The following ABTB3 variants were observed in gnomAD, a reference collection of about 807,000 sequenced individuals.
The protein encoded by ABTB3 is ankyrin repeat- and BTB/POZ domain-containing protein 3.
chr12:107,318,914 G>C, the ABTB3 span: 11 of 1,559,154 alleles, frequency 7.1e-6, no homozygotes, highest in Non-Finnish European at 9.6e-6. Context: ...TGGCTCCCAG[G>C]CGGCTGCAGC....
At chr12:107,509,091 G>T in the ABTB3 span, among the ~76,000 whole-genome samples, 2 of 152,176 alleles carry the variant, frequency 1.3e-5, no homozygotes, top group African/African-American at 4.8e-5. Flanking sequence ...GGTCCCAGGA[G>T]CTCCTTGATA....
At chr12:107,420,590 C>G in the ABTB3 span, among the ~76,000 whole-genome samples, 1 of 152,292 alleles carries the variant, frequency 6.6e-6, no homozygotes, top group African/African-American at 2.4e-5. Flanking sequence ...ATGGGAGCTA[C>G]AATTCAAGAT....
chr12:107,610,835 C>T, the ABTB3 span, among the ~76,000 whole-genome samples: 2 of 152,268 alleles, frequency 1.3e-5, no homozygotes, highest in Admixed American at 6.5e-5. Flanking sequence ...AGCTATCCCC[C>T]CTAACTCCTG....
the ABTB3 span, among the ~76,000 whole-genome samples, chr12:107,551,790 T>C: frequency 6.6e-6 from 1 of 152,052 alleles, no homozygotes; most frequent in Non-Finnish European, 1.5e-5. Flanking sequence ...TTCACTCTTA[T>C]TGCCCAGGCT....
chr12:107,360,649 T>G, the ABTB3 span, among the ~76,000 whole-genome samples: 1 of 152,220 alleles, frequency 6.6e-6, no homozygotes, highest in Non-Finnish European at 1.5e-5. Context: ...ACAGTCCTAT[T>G]TACCTAATGG....
the ABTB3 span, among the ~76,000 whole-genome samples, chr12:107,375,564 G>A: frequency 3.9e-5 from 6 of 152,172 alleles, no homozygotes; most frequent in East Asian, 1.9e-4. Context: ...GGAGAAGACC[G>A]GGGGCCCGGT....
At chr12:107,328,094 C>T in the ABTB3 span, among the ~76,000 whole-genome samples, 3 of 152,200 alleles carry the variant, frequency 2.0e-5, no homozygotes, top group African/African-American at 7.2e-5. Flanking sequence ...TCTGGTAGGG[C>T]AGCCACCCAC....
At chr12:107,622,109 G>A in the ABTB3 span, among the ~76,000 whole-genome samples, 28 of 152,252 alleles carry the variant, frequency 1.8e-4, no homozygotes, top group Admixed American at 9.8e-4. Context: ...GGGCGTGGTC[G>A]TGTCTCAAGA....
At chr12:107,415,711 C>CA in the ABTB3 span, among the ~76,000 whole-genome samples, 76 of 148,716 alleles carry the variant, frequency 5.1e-4, 1 homozygote, top group South Asian at 0.01. Context: ...CTGTCTCAAC[C>CA]AAAAAAAACA....
chr12:107,516,050 TGTGTGC>T, the ABTB3 span, among the ~76,000 whole-genome samples: 48 of 126,872 alleles, frequency 3.8e-4, 2 homozygotes, highest in African/African-American at 1.1e-3. Context: ...TGTGTGTGTG[TGTGTGC>T]GCACACACAC....
chr12:107,597,066 G>A, the ABTB3 span, among the ~76,000 whole-genome samples: 2 of 152,174 alleles, frequency 1.3e-5, no homozygotes. Context: ...AGGGCACATT[G>A]TTGTGCTTTT....
the ABTB3 span, among the ~76,000 whole-genome samples, chr12:107,368,715 C>T: frequency 1.4e-4 from 22 of 152,170 alleles, no homozygotes; most frequent in Admixed American, 6.5e-4. Context: ...ACCAGTGGCG[C>T]GGAGGGGTTC....
the ABTB3 span, among the ~76,000 whole-genome samples, chr12:107,509,742 C>T: frequency 2.6e-5 from 4 of 152,218 alleles, no homozygotes; most frequent in Non-Finnish European, 5.9e-5. Flanking sequence ...TTCAACAAAC[C>T]AAGCCTGAAT....
chr12:107,412,505 G>A, the ABTB3 span, among the ~76,000 whole-genome samples: 12 of 152,184 alleles, frequency 7.9e-5, no homozygotes, highest in African/African-American at 2.7e-4. Flanking sequence ...ACACGGAAAC[G>A]TAGGAGGTTG....
the ABTB3 span, among the ~76,000 whole-genome samples, chr12:107,545,124 C>A: frequency 6.6e-6 from 1 of 152,164 alleles, no homozygotes; most frequent in Non-Finnish European, 1.5e-5. Context: ...TCTGCTTCTG[C>A]CAGATGGATT....
chr12:107,568,319 C>T, the ABTB3 span, among the ~76,000 whole-genome samples: 1 of 152,140 alleles, frequency 6.6e-6, no homozygotes, highest in African/African-American at 2.4e-5. Context: ...ATGATGGGAG[C>T]TATAAAATCA....
chr12:107,582,865 T>C, the ABTB3 span, among the ~76,000 whole-genome samples: 4 of 152,184 alleles, frequency 2.6e-5, no homozygotes, highest in African/African-American at 9.6e-5. Flanking sequence ...AACCTGGATG[T>C]CTTGGCAGCT....
chr12:107,412,672 C>CT, the ABTB3 span, among the ~76,000 whole-genome samples: 1 of 152,172 alleles, frequency 6.6e-6, no homozygotes, highest in Non-Finnish European at 1.5e-5. Context: ...CTAGTGTACC[C>CT]TGCCTAATTA....
At chr12:107,397,523 C>G in the ABTB3 span, among the ~76,000 whole-genome samples, 1 of 151,878 alleles carries the variant, frequency 6.6e-6, no homozygotes, top group Non-Finnish European at 1.5e-5. Flanking sequence ...TGGACTGATT[C>G]TTTACCTGTT....
Sources: allele counts gnomAD v4.1 joint callset (sites outside exome capture counted in the v4.1 genomes callset), GRCh38; gene constraint gnomAD v4.1.1; transcripts MANE v1.5; gene names NCBI Gene and HGNC (gene_info 2026-07-23, HGNC 2026-07-21).